Variants in ABTB3 observed in about 807,000 individuals in gnomAD.
ABTB3 encodes ankyrin repeat- and BTB/POZ domain-containing protein 3.
chr12:107,575,153 C>T, the ABTB3 span, among the ~76,000 whole-genome samples: 87 of 152,338 alleles, frequency 5.7e-4, 2 homozygotes, highest in African/African-American at 1.9e-3. Context: ...CTAAGAAACA[C>T]TCAACAAATA....
the ABTB3 span, among the ~76,000 whole-genome samples, chr12:107,519,683 C>T: frequency 6.6e-5 from 10 of 152,178 alleles, no homozygotes; most frequent in African/African-American, 2.4e-4. Flanking sequence ...TACAAGTACT[C>T]TTCAGGCTTT....
At chr12:107,639,964 A>G in the ABTB3 span, among the ~76,000 whole-genome samples, 4 of 152,132 alleles carry the variant, frequency 2.6e-5, no homozygotes, top group Non-Finnish European at 5.9e-5. Context: ...CTTCTAAACC[A>G]CTTCCATTGG....
At chr12:107,332,239 G>C in the ABTB3 span, among the ~76,000 whole-genome samples, 1 of 152,206 alleles carries the variant, frequency 6.6e-6, no homozygotes. Context: ...TTCTGGTGTT[G>C]ATAGAGTTGG....
At chr12:107,634,035 C>T in the ABTB3 span, among the ~76,000 whole-genome samples, 1 of 152,222 alleles carries the variant, frequency 6.6e-6, no homozygotes, top group Non-Finnish European at 1.5e-5. Context: ...TAAAGCCTCT[C>T]GTCATTGAAA....
At chr12:107,371,838 CTAAT>C in the ABTB3 span, among the ~76,000 whole-genome samples, 9 of 152,260 alleles carry the variant, frequency 5.9e-5, no homozygotes, top group South Asian at 6.2e-4. Context: ...GCAGACATAA[CTAAT>C]TAAGCACAGC....
chr12:107,413,503 G>A, the ABTB3 span, among the ~76,000 whole-genome samples: 2 of 152,122 alleles, frequency 1.3e-5, no homozygotes, highest in Non-Finnish European at 2.9e-5. Context: ...GACAGCGAAG[G>A]GGAGCATTTG....
the ABTB3 span, among the ~76,000 whole-genome samples, chr12:107,545,936 C>T: frequency 2.6e-5 from 4 of 152,170 alleles, no homozygotes; most frequent in Non-Finnish European, 4.4e-5. Context: ...CAGATGAGTC[C>T]GTCTCCCCGC....
At chr12:107,354,259 C>T in the ABTB3 span, among the ~76,000 whole-genome samples, 2 of 152,068 alleles carry the variant, frequency 1.3e-5, no homozygotes, top group East Asian at 3.8e-4. Flanking sequence ...ATACAGTTCA[C>T]CTATTTAAGG....
the ABTB3 span, among the ~76,000 whole-genome samples, chr12:107,560,402 C>G: frequency 4.2e-3 from 641 of 152,286 alleles, 6 homozygotes; most frequent in African/African-American, 0.014. Context: ...GGGAGCCTCA[C>G]CCACCCCAAT....
chr12:107,552,162 C>T, the ABTB3 span, among the ~76,000 whole-genome samples: 3 of 152,118 alleles, frequency 2.0e-5, no homozygotes, highest in African/African-American at 7.2e-5. Flanking sequence ...CAAGGCCATA[C>T]CTGAAGTTGG....
the ABTB3 span, among the ~76,000 whole-genome samples, chr12:107,390,572 C>A: frequency 6.6e-6 from 1 of 152,182 alleles, no homozygotes; most frequent in Non-Finnish European, 1.5e-5. Flanking sequence ...AGTGTCAGTA[C>A]TGGTTTCTGC....
chr12:107,579,725 C>T, the ABTB3 span, among the ~76,000 whole-genome samples: 2 of 152,338 alleles, frequency 1.3e-5, no homozygotes, highest in East Asian at 1.9e-4. Context: ...TGAATGGCAG[C>T]CCCAGGGCCG....
At chr12:107,619,184 G>A in the ABTB3 span, among the ~76,000 whole-genome samples, 1 of 152,176 alleles carries the variant, frequency 6.6e-6, no homozygotes, top group South Asian at 2.1e-4. Flanking sequence ...TGGAACGTTT[G>A]TGCCATTGCC....
the ABTB3 span, among the ~76,000 whole-genome samples, chr12:107,555,395 A>C: frequency 3.3e-5 from 5 of 152,234 alleles, no homozygotes; most frequent in Non-Finnish European, 2.9e-5. Context: ...GTGACAAGCT[A>C]CGAGGTTCAA....
At chr12:107,390,272 C>T in the ABTB3 span, among the ~76,000 whole-genome samples, 1 of 152,156 alleles carries the variant, frequency 6.6e-6, no homozygotes, top group Admixed American at 6.5e-5. Context: ...TTAATGCTCC[C>T]ACCAATCCTA....
the ABTB3 span, among the ~76,000 whole-genome samples, chr12:107,366,064 C>T: frequency 6.6e-6 from 1 of 152,234 alleles, no homozygotes; most frequent in Non-Finnish European, 1.5e-5. Context: ...GCCATAGTCA[C>T]TGTTCTAGAA....
At chr12:107,398,419 C>T in the ABTB3 span, among the ~76,000 whole-genome samples, 4 of 152,332 alleles carry the variant, frequency 2.6e-5, no homozygotes, top group African/African-American at 9.6e-5. Context: ...TTAAAGTATC[C>T]AAGCTCATTG....
At chr12:107,627,241 CCCTCTCCT>C in the ABTB3 span, among the ~76,000 whole-genome samples, 1 of 152,156 alleles carries the variant, frequency 6.6e-6, no homozygotes, top group Non-Finnish European at 1.5e-5. Flanking sequence ...TCACTCCCTC[CCCTCTCCT>C]CATTCAGTTC....
At chr12:107,451,542 A>G in the ABTB3 span, among the ~76,000 whole-genome samples, 2 of 152,088 alleles carry the variant, frequency 1.3e-5, no homozygotes, top group Non-Finnish European at 2.9e-5. Context: ...TCTCACTTAA[A>G]ATTCTCTGGA....
Sources: allele counts gnomAD v4.1 joint callset (sites outside exome capture counted in the v4.1 genomes callset), GRCh38; gene constraint gnomAD v4.1.1; transcripts MANE v1.5; gene names NCBI Gene and HGNC (gene_info 2026-07-23, HGNC 2026-07-21).